Variants in DPH5 observed in about 807,000 individuals in gnomAD.
The protein encoded by DPH5 is diphthine methyl ester synthase.
A neutral mutation model predicts 31.6 loss-of-function variants in DPH5; 31 were observed. The observed-to-expected ratio is 0.98, with a 90% CI of 0.74 to 1.32. The LOEUF is 1.32. DPH5 is among the 40% of genes most tolerant of loss of function. The pLI, the probability that DPH5 is intolerant of heterozygous loss-of-function variation, is 0.00. For missense variants in DPH5, 309 were observed against 335.7 expected (o/e 0.92, Z 0.62); for synonymous variants, 120 against 115.0 (o/e 1.04, Z -0.28).
Position 101,001,600 on chromosome 1 carries a change from A to ACATTAGTTAATTGTTCCAT in DPH5, c.370-14_370-13insATGGAACAATTAACTAATG. The ACATTAGTTAATTGTTCCAT allele has an allele frequency of 6.5e-7, 1 of 1,528,328 alleles. No homozygotes were observed. The highest frequency in any genetic ancestry group is 9.0e-7 in the Non-Finnish European group (1 of 1,114,806). The allele number at this position is 1,528,328 out of a possible 1,614,324, so 94.7% of individuals were successfully genotyped here. A position where few individuals can be genotyped will look rare whatever the true frequency, so the allele number is the denominator to read the frequency against. On this transcript the variant is annotated splice_polypyrimidine_tract_variant and intron_variant, in intron 4 of 7. Coordinates refer to ENST00000370109, the MANE Select transcript of DPH5 (RefSeq NM_015958.3). ...CAAACTTATATAACTAGAAAAAAAAACATTAATTAATGATGGAACAATTAA... is the reference window on the plus strand; with the variant it reads ...CAAACTTATATAACTAGAAAAAAAAACATTAGTTAATTGTTCCATCATTAATTAATGATGGAACAATTAA...
At chr1:101,000,230 T>C (rs1333487985) in intron 5 of DPH5, among the ~76,000 whole-genome samples, 1 of 152,210 alleles carries the variant, frequency 6.6e-6, no homozygotes, top group African/African-American at 2.4e-5. Context: ...ATCATGGGCT[T>C]ATTCTCTGCC....
At position 100,990,309 on chromosome 1, in the gene DPH5, G is replaced by T. The variant is rs755980390; in HGVS notation, c.*99C>A. Reference sequence around the variant, plus strand: ...CTACCACAACACCTGGGAATTATGAGGATTAAAATTCAAGATGAGACTTGG... The same window carrying T: ...CTACCACAACACCTGGGAATTATGATGATTAAAATTCAAGATGAGACTTGG... On this transcript the variant is annotated 3_prime_UTR_variant, in exon 8 of 8. Coordinates refer to ENST00000370109, the MANE Select transcript of DPH5 (RefSeq NM_015958.3). 6.4e-6 allele frequency: 7 copies of T among 1,098,806 alleles called. No individual in the cohort carries two copies. Among genetic ancestry groups the T allele is most frequent in the Non-Finnish European group, 9.4e-6 (7 of 742,820 alleles). 68.1% of individuals were successfully genotyped at this position (1,098,806 alleles called of 1,614,324 possible). A position where few individuals can be genotyped will look rare whatever the true frequency, so the allele number is the denominator to read the frequency against.
rs980605838 is a variant in DPH5, at chr1:101,003,677, T to C, written c.370-2090A>G. On this transcript the variant is annotated intron_variant, in intron 4 of 7. Coordinates refer to ENST00000370109, the MANE Select transcript of DPH5 (RefSeq NM_015958.3). The stretch of plus-strand genomic sequence containing the variant: ...AAAAGTCTTAGTGTTAGGAATTTGA[T>C]GATATAATAATGATAATGTTTTAAT... Among the ~76,000 whole-genome samples, 4 of 152,324 alleles carry C rather than the reference T, an allele frequency of 2.6e-5. No individual in the cohort carries two copies. The East Asian group carries it at 7.7e-4, about 29-fold the overall frequency.
At chr1:101,005,722 T>G (rs1317785499) in intron 4 of DPH5, among the ~76,000 whole-genome samples, 2 of 152,214 alleles carry the variant, frequency 1.3e-5, no homozygotes, top group African/African-American at 4.8e-5. Flanking sequence ...AGCAAGTACT[T>G]GTGACATATT....
At chr1:100,999,281 C>T (rs1297312590) in intron 5 of DPH5, among the ~76,000 whole-genome samples, 1 of 151,664 alleles carries the variant, frequency 6.6e-6, no homozygotes, top group Non-Finnish European at 1.5e-5. Context: ...GAAACTCCAT[C>T]TTTACAAAAC....
chr1:100,997,177 A>G (rs1658427170), intron 5 of DPH5, among the ~76,000 whole-genome samples: 2 of 152,192 alleles, frequency 1.3e-5, no homozygotes, highest in African/African-American at 4.8e-5. Context: ...CACGTGCACA[A>G]CACATTAGTT....
chr1:101,004,968 G>A (rs1659125953), intron 4 of DPH5, among the ~76,000 whole-genome samples: 1 of 152,168 alleles, frequency 6.6e-6, no homozygotes, highest in Non-Finnish European at 1.5e-5. Flanking sequence ...ATCTTATTTA[G>A]TGCCAATTCC....
At position 100,993,559 on chromosome 1, in the gene DPH5, A is replaced by AATATATATATATATATATATAT. The variant is rs10527775; in HGVS notation, c.531-841_531-820dup. ...AGAGCAAGACTCTGTCGAAAATATA[A>AATATATATATATATATATATAT]ATATATATATATATATATATATATA... is the stretch of plus-strand genomic sequence containing the variant. On this transcript the variant is annotated intron_variant, in intron 6 of 7. Transcript: ENST00000370109. 1.8e-3 allele frequency among the ~76,000 whole-genome samples: 100 copies of AATATATATATATATATATATAT among 56,500 alleles called. 5 individuals are homozygous for AATATATATATATATATATATAT. Among genetic ancestry groups the AATATATATATATATATATATAT allele is most frequent in the South Asian group, 2.7e-3 (3 of 1,104 alleles). The allele number at this position is 56,500 out of a possible 152,430, so 37.1% of individuals were successfully genotyped here. A position where few individuals can be genotyped will look rare whatever the true frequency, so the allele number is the denominator to read the frequency against.
chr1:101,000,207 T>C (rs943498558), intron 5 of DPH5, among the ~76,000 whole-genome samples: 5 of 152,148 alleles, frequency 3.3e-5, no homozygotes, highest in Admixed American at 1.3e-4. Flanking sequence ...GTATTTAATA[T>C]ACAGAGGCCA....
chr1:101,007,754 CA>C (rs10708264), intron 4 of DPH5, among the ~76,000 whole-genome samples: 25,183 of 137,226 alleles, frequency 0.18, 2,700 homozygotes, highest in African/African-American at 0.33. Flanking sequence ...AAACAAAAAC[CA>C]AAAAAAAAAA....
chr1:101,008,519 C>T (rs761520795), intron 4 of DPH5, among the ~76,000 whole-genome samples: 4 of 152,164 alleles, frequency 2.6e-5, no homozygotes, highest in African/African-American at 4.8e-5. Context: ...AAATCTTTTC[C>T]ATTATATTTT....
Position 101,025,346 on chromosome 1 carries a change from G to T in DPH5, c.98C>A (p.Ala33Asp). Residue 33 changes from alanine to aspartate, a missense_variant, in exon 2 of 8, where the codon GCC becomes GAC. Ala to Asp is a moderately radical substitution (Grantham distance 126). Transcript: ENST00000370109. ...VRRCSRVYLE[A>D]YTSVLTVGKE... ...CCCTACAGTTAGGACTGAGGTGTAG[G>T]CTTCCAGATACACTCGACTGCAGCG... 6.2e-7 allele frequency: 1 copy of T among 1,614,184 alleles called. No individual in the cohort carries two copies. The highest frequency in any genetic ancestry group is 8.5e-7 in the Non-Finnish European group (1 of 1,180,036).
At chr1:100,995,022 T>C in intron 6 of DPH5, 88 bp downstream of exon 6, 3 of 918,448 alleles carry the variant, frequency 3.3e-6, no homozygotes, top group Non-Finnish European at 5.2e-6. Flanking sequence ...TTTTCAACCA[T>C]CTTTAGAACT....
At position 101,025,423 on chromosome 1, in the gene DPH5, C is replaced by G. The variant is rs749280357; in HGVS notation, c.21G>C (p.Leu7Phe). 2.5e-6 allele frequency: 4 copies of G among 1,614,140 alleles called. No individual in the cohort carries two copies. The East Asian group carries it at 8.9e-5, about 36-fold the overall frequency. The change falls in exon 2 of 8, where the codon TTG becomes TTC. Residue 7 changes from leucine to phenylalanine, a missense_variant. Transcript: ENST00000370109. ...TGATGTCCTTGGCATCTCCCAGGCC[C>G]AACCCGATGAGATAAAGCATTTCAA... Reference protein sequence around the residue: MLYLIGLGLGDAKDITV... With the variant: MLYLIGFGLGDAKDITV...
At chr1:101,018,758 AC>A (rs1660259280) in intron 3 of DPH5, among the ~76,000 whole-genome samples, 1 of 152,220 alleles carries the variant, frequency 6.6e-6, no homozygotes, top group Non-Finnish European at 1.5e-5. Context: ...ATTCCTAAAA[AC>A]CTATTTTGGA....
At chr1:101,011,395 A>C (rs959283118) in intron 4 of DPH5, among the ~76,000 whole-genome samples, 18 of 152,342 alleles carry the variant, frequency 1.2e-4, no homozygotes, top group Non-Finnish European at 1.6e-4. Flanking sequence ...TCCAGATTAG[A>C]TAATAAAACT....
At chr1:100,994,230 A>C (rs1174584834) in intron 6 of DPH5, among the ~76,000 whole-genome samples, 1 of 151,794 alleles carries the variant, frequency 6.6e-6, no homozygotes, top group Non-Finnish European at 1.5e-5. Context: ...ACTTTCATAA[A>C]ATTTATGGTT....
intron 4 of DPH5, chr1:101,011,633 G>T (rs1475883627): frequency 6.6e-6 from 1 of 152,072 alleles, no homozygotes; most frequent in Non-Finnish European, 1.5e-5. Flanking sequence ...GGTCACCCAG[G>T]TTTAGTTTTA....
intron 3 of DPH5, among the ~76,000 whole-genome samples, chr1:101,019,092 A>C (rs1660277586): frequency 6.6e-6 from 1 of 152,194 alleles, no homozygotes; most frequent in Non-Finnish European, 1.5e-5. Flanking sequence ...AGAATGGAAT[A>C]ATAAAACAGA....
Sources: allele counts gnomAD v4.1 joint callset (sites outside exome capture counted in the v4.1 genomes callset), GRCh38; gene constraint gnomAD v4.1.1; transcripts MANE v1.5; gene names NCBI Gene and HGNC (gene_info 2026-07-23, HGNC 2026-07-21).